FGGY: variants seen among roughly 807,000 people sequenced by gnomAD.
FGGY encodes FGGY carbohydrate kinase domain containing, also known as FGGY carbohydrate kinase domain-containing protein.
In FGGY, 72 loss-of-function variants were observed where a neutral mutation model predicts 71.3. The ratio of observed to expected loss-of-function variants is 1.01; its 90% CI spans 0.84 to 1.23. FGGY has a LOEUF of 1.23. FGGY is among the 50% of genes most tolerant of loss of function. The pLI is 0.00. For synonymous variants in FGGY, 251 were observed against 250.3 expected (o/e 1.00, Z -0.02); for missense variants, 668 against 682.3 (o/e 0.98, Z 0.23).
intron 1 of FGGY, among the ~76,000 whole-genome samples, chr1:59,314,035 C>T (rs1469235394): frequency 1.3e-5 from 2 of 151,938 alleles, no homozygotes; most frequent in Admixed American, 6.6e-5. Flanking sequence ...AGCGCAATCT[C>T]GCTCACTGCA....
At chr1:59,742,011 A>G (rs573399939) in intron 14 of FGGY, among the ~76,000 whole-genome samples, 2 of 151,594 alleles carry the variant, frequency 1.3e-5, no homozygotes, top group Non-Finnish European at 2.9e-5. Flanking sequence ...GGCTGAGGCC[A>G]GAGAATCAGT....
At chr1:59,557,671 A>G (rs1385534583) in intron 8 of FGGY, among the ~76,000 whole-genome samples, 1 of 152,202 alleles carries the variant, frequency 6.6e-6, no homozygotes, top group Non-Finnish European at 1.5e-5. Context: ...AGAGTTAATT[A>G]CTACCAAGTC....
intron 14 of FGGY, among the ~76,000 whole-genome samples, chr1:59,686,021 A>G (rs1400996008): frequency 6.6e-6 from 1 of 152,230 alleles, no homozygotes; most frequent in African/African-American, 2.4e-5. Flanking sequence ...TGAACTTAGA[A>G]ATCCTTCCAT....
At chr1:59,658,793 A>G (rs1008878762) in intron 11 of FGGY, among the ~76,000 whole-genome samples, 13 of 152,366 alleles carry the variant, frequency 8.5e-5, no homozygotes, top group Admixed American at 5.9e-4. Context: ...TAGGAAGGAC[A>G]TAATGGTGGC....
At chr1:59,461,743 A>C (rs1418054817) in intron 6 of FGGY, among the ~76,000 whole-genome samples, 1 of 152,156 alleles carries the variant, frequency 6.6e-6, no homozygotes, top group East Asian at 1.9e-4. Flanking sequence ...ACCAGCCAGA[A>C]GAGAGTGGAG....
At chr1:59,592,541 T>C (rs1443300348) in intron 8 of FGGY, among the ~76,000 whole-genome samples, 1 of 152,084 alleles carries the variant, frequency 6.6e-6, no homozygotes, top group Non-Finnish European at 1.5e-5. Flanking sequence ...AACCCAAATG[T>C]CCAACAATGA....
Position 59,624,512 on chromosome 1 carries a change from A to G in FGGY, c.1012-1476A>G, listed in dbSNP as rs530056177. On this transcript the variant is annotated intron_variant, in intron 9 of 15. Coordinates refer to ENST00000303721, the MANE Select transcript of FGGY (RefSeq NM_018291.5). ...TATCATTTATACTACTGTTGGCACT[A>G]TAGTAGTGTATTAGTCCGTTTTCAT... Among the ~76,000 whole-genome samples, 69 of 152,330 alleles carry G rather than the reference A, an allele frequency of 4.5e-4. 1 individual carries two copies. In the South Asian group the frequency reaches 0.014, roughly 32 times the overall value.
chr1:59,606,275 A>G (rs1009262569), intron 8 of FGGY, among the ~76,000 whole-genome samples: 1 of 152,166 alleles, frequency 6.6e-6, no homozygotes, highest in Non-Finnish European at 1.5e-5. Flanking sequence ...GCAAAATCCT[A>G]CTAGTCTTTT....
Position 59,542,445 on chromosome 1 carries a change from CTTTTTTT to C in FGGY, c.800-11654_800-11648del, listed in dbSNP as rs754831417. ...GCCAAGACTATATGTATGTTCTTTA[CTTTTTTT>C]TTTTTTTTTTTTTTTTTTTTTTTTG... On this transcript the variant is annotated intron_variant, in intron 7 of 15. Transcript: ENST00000303721. Among the ~76,000 whole-genome samples the C allele has an allele frequency of 3.6e-3, 123 of 34,250 alleles. 1 individual carries two copies. The highest frequency in any genetic ancestry group is 0.012 in the African/African-American group (113 of 9,578). The allele number at this position is 34,250 out of a possible 152,430, so 22.5% of individuals were successfully genotyped here.
At chr1:59,412,276 C>T (rs916341467) in intron 5 of FGGY, among the ~76,000 whole-genome samples, 1 of 152,184 alleles carries the variant, frequency 6.6e-6, no homozygotes, top group African/African-American at 2.4e-5. Flanking sequence ...TCTGTTCCCA[C>T]ACATGTACAA....
At chr1:59,357,806 A>T (rs1030312964) in intron 4 of FGGY, among the ~76,000 whole-genome samples, 3 of 152,226 alleles carry the variant, frequency 2.0e-5, no homozygotes, top group Admixed American at 6.5e-5. Flanking sequence ...GGAGCTAGCC[A>T]TGTGACTGTA....
intron 14 of FGGY, among the ~76,000 whole-genome samples, chr1:59,687,472 C>CT (rs112316777): frequency 0.036 from 5,227 of 145,402 alleles, 263 homozygotes; most frequent in African/African-American, 0.11. Context: ...AAACTAATTT[C>CT]TTTTTTTTTT....
At chr1:59,346,807 A>T (rs757432257) in intron 4 of FGGY, among the ~76,000 whole-genome samples, 7 of 152,032 alleles carry the variant, frequency 4.6e-5, no homozygotes, top group Non-Finnish European at 1.0e-4. Context: ...ATTTTTTTTT[A>T]ATTTTAAAAT....
At chr1:59,740,422 T>C (rs1252146443) in intron 14 of FGGY, among the ~76,000 whole-genome samples, 1 of 152,236 alleles carries the variant, frequency 6.6e-6, no homozygotes, top group African/African-American at 2.4e-5. Flanking sequence ...CCCAGCTTTC[T>C]TAGATCCGGT....
At chr1:59,330,131 C>A (rs1328598499) in intron 2 of FGGY, among the ~76,000 whole-genome samples, 2 of 152,122 alleles carry the variant, frequency 1.3e-5, no homozygotes, top group Non-Finnish European at 2.9e-5. Context: ...TAAAATCATT[C>A]TATAAATCAA....
chr1:59,337,048 CATA>C (rs1399223175), intron 2 of FGGY, among the ~76,000 whole-genome samples: 3 of 142,062 alleles, frequency 2.1e-5, no homozygotes, highest in Non-Finnish European at 4.6e-5. Flanking sequence ...TGTATATAGT[CATA>C]TATATATATA....
At chr1:59,651,738 T>A (rs969522030) in intron 11 of FGGY, among the ~76,000 whole-genome samples, 20 of 150,684 alleles carry the variant, frequency 1.3e-4, no homozygotes, top group African/African-American at 4.9e-4. Flanking sequence ...AATTGGAGAA[T>A]TTAGTCCATT....
At chr1:59,683,890 TG>T (rs2097524792) in intron 14 of FGGY, among the ~76,000 whole-genome samples, 1 of 152,236 alleles carries the variant, frequency 6.6e-6, no homozygotes, top group Non-Finnish European at 1.5e-5. Flanking sequence ...GGCTTGTTTT[TG>T]CCCCCATTAA....
At chr1:59,687,747 CG>C (rs2097556897) in intron 14 of FGGY, among the ~76,000 whole-genome samples, 1 of 151,886 alleles carries the variant, frequency 6.6e-6, no homozygotes, top group African/African-American at 2.4e-5. Context: ...GGATTACAGG[CG>C]TGAGCCACCA....
Sources: allele counts gnomAD v4.1 joint callset (sites outside exome capture counted in the v4.1 genomes callset), GRCh38; gene constraint gnomAD v4.1.1; transcripts MANE v1.5; gene names NCBI Gene and HGNC (gene_info 2026-07-23, HGNC 2026-07-21).